Variants in OXR1 observed in about 807,000 individuals in gnomAD.
The protein encoded by OXR1 is oxidation resistance protein 1.
Under a neutral mutation model 104.6 loss-of-function variants are expected in OXR1, and 41 were observed. That is an observed-to-expected ratio of 0.39 (90% CI 0.31 to 0.51). The LOEUF (loss-of-function observed/expected upper bound fraction) is 0.51, where lower values mean the gene tolerates loss of function less well. Among genes scored for constraint, OXR1 ranks in the 20% least tolerant of loss-of-function variants. The probability of loss-of-function intolerance (pLI) is 0.77; values close to 1 mark genes in which losing one functional copy is unlikely to be tolerated. For missense variants in OXR1, 955 were observed against 1,031.9 expected (o/e 0.93, Z 1.02); for synonymous variants, 348 against 348.4 (o/e 1.00, Z 0.01).
At chr8:106,486,327 A>G (rs556939005) in intron 2 of OXR1, among the ~76,000 whole-genome samples, 1 of 152,194 alleles carries the variant, frequency 6.6e-6, no homozygotes, top group Non-Finnish European at 1.5e-5. Flanking sequence ...CATTTAGCTA[A>G]TTTCACAAGC....
At chr8:106,302,511 G>A (rs111354833) in intron 1 of OXR1, among the ~76,000 whole-genome samples, 32,943 of 150,626 alleles carry the variant, frequency 0.22, 5,348 homozygotes, top group African/African-American at 0.46. Context: ...GTGTGAACCC[G>A]GGAGGCGGAG....
At position 106,740,343 on chromosome 8, in the gene OXR1, C is replaced by A. The variant is rs372247285; in HGVS notation, c.2164C>A (p.Leu722Ile). Residue 722 changes from leucine to isoleucine, a missense_variant and splice_region_variant, in exon 14 of 17, where the codon CTT becomes ATT. Physicochemically the swap from Leu to Ile is conservative, Grantham distance 5. Around this residue, in one of 2 missense-constraint regions of OXR1, gnomAD observed 849 missense variants for 852.9 expected, o/e 1.00. Transcript: ENST00000517566. ...ELLLPDQIEK[L>I]TKHLPPRTIG... is the part of the protein sequence containing the mutation. ...AATACTAACACTTTGTTTTCTAAAG[C>A]TTACCAAGCATCTTCCACCAAGAAC... The A allele has an allele frequency of 6.2e-7, 1 of 1,608,588 alleles. No homozygotes were observed.
intron 1 of OXR1, among the ~76,000 whole-genome samples, chr8:106,331,541 A>G (rs1013594291): frequency 4.6e-5 from 7 of 152,182 alleles, no homozygotes; most frequent in African/African-American, 1.7e-4. Context: ...TGGCTTTGAA[A>G]TTATTTGTAT....
At chr8:106,623,607 G>A (rs1821905177) in intron 3 of OXR1, among the ~76,000 whole-genome samples, 1 of 152,144 alleles carries the variant, frequency 6.6e-6, no homozygotes. Flanking sequence ...AGAGTAAGTT[G>A]TGGGGCAGGT....
intron 3 of OXR1, among the ~76,000 whole-genome samples, chr8:106,615,758 C>T (rs1483952110): frequency 2.6e-5 from 4 of 152,182 alleles, no homozygotes; most frequent in Admixed American, 1.3e-4. Flanking sequence ...TTATGCTCAC[C>T]TTATAAAGCT....
At chr8:106,387,427 C>G (rs995916587) in intron 2 of OXR1, among the ~76,000 whole-genome samples, 8 of 152,152 alleles carry the variant, frequency 5.3e-5, no homozygotes, top group Non-Finnish European at 1.0e-4. Context: ...CCAGGTTGCA[C>G]TAGGAGAAAC....
intron 11 of OXR1, among the ~76,000 whole-genome samples, chr8:106,723,653 C>T (rs1383962302): frequency 6.6e-6 from 1 of 150,484 alleles, no homozygotes; most frequent in Non-Finnish European, 1.5e-5. Flanking sequence ...GCCTGGGCAA[C>T]AGAGCAATAC....
intron 2 of OXR1, among the ~76,000 whole-genome samples, chr8:106,407,335 C>A (rs1328449051): frequency 6.6e-6 from 1 of 152,106 alleles, no homozygotes; most frequent in African/African-American, 2.4e-5. Flanking sequence ...TGATTTTCCC[C>A]AGAGGGGCAT....
At chr8:106,521,466 G>C (rs938723957) in intron 3 of OXR1, among the ~76,000 whole-genome samples, 1 of 152,094 alleles carries the variant, frequency 6.6e-6, no homozygotes, top group Non-Finnish European at 1.5e-5. Context: ...TCAGAATCAG[G>C]CTTTCTCTGA....
At chr8:106,614,973 G>A (rs182733657) in intron 3 of OXR1, among the ~76,000 whole-genome samples, 1 of 152,286 alleles carries the variant, frequency 6.6e-6, no homozygotes, top group African/African-American at 2.4e-5. Flanking sequence ...TTTATGTTTT[G>A]TTTGGGGTGC....
Position 106,288,470 on chromosome 8 carries a change from G to A in OXR1, c.-139+18103G>A, listed in dbSNP as rs1323176344. Among the ~76,000 whole-genome samples the A allele has an allele frequency of 1.2e-4, 18 of 151,304 alleles. 1 individual carries two copies. The highest frequency in any genetic ancestry group is 1.1e-3 in the Admixed American group (16 of 15,134). On this transcript the variant is annotated intron_variant, in intron 1 of 16. Coordinates refer to ENST00000517566, the MANE Select transcript of OXR1 (RefSeq NM_001198533.2). ...AATGTGGTTCTGACCAGAATTGATC[G>A]GAATTGATTTAAGAACACCTCCCTT...
intron 15 of OXR1, among the ~76,000 whole-genome samples, chr8:106,744,482 T>C (rs1275773151): frequency 1.3e-5 from 2 of 152,226 alleles, no homozygotes; most frequent in Non-Finnish European, 2.9e-5. Flanking sequence ...ATCATTACTA[T>C]TCTGTTTACA....
At chr8:106,724,159 T>A (rs1006650160) in intron 11 of OXR1, among the ~76,000 whole-genome samples, 2 of 152,152 alleles carry the variant, frequency 1.3e-5, no homozygotes, top group Non-Finnish European at 2.9e-5. Context: ...GGAAGAGATA[T>A]AAGGTAATTT....
chr8:106,429,607 C>T (rs1272028800), intron 2 of OXR1, among the ~76,000 whole-genome samples: 2 of 150,778 alleles, frequency 1.3e-5, no homozygotes, highest in African/African-American at 4.9e-5. Context: ...TTGCAGTGAG[C>T]CGAGATCTCG....
At chr8:106,505,644 A>C (rs1812110746) in intron 2 of OXR1, among the ~76,000 whole-genome samples, 1 of 152,198 alleles carries the variant, frequency 6.6e-6, no homozygotes. Flanking sequence ...AGACTTAAAA[A>C]ATAAGAAGCA....
intron 3 of OXR1, among the ~76,000 whole-genome samples, chr8:106,664,253 G>A (rs1826055588): frequency 6.6e-6 from 1 of 152,202 alleles, no homozygotes; most frequent in African/African-American, 2.4e-5. Flanking sequence ...TCTAAAATAA[G>A]CTGATGATTC....
At chr8:106,528,292 TG>T (rs1217965224) in intron 3 of OXR1, among the ~76,000 whole-genome samples, 4 of 152,228 alleles carry the variant, frequency 2.6e-5, no homozygotes, top group African/African-American at 9.6e-5. Context: ...AATATTAAGT[TG>T]GGAAATGGTC....
intron 2 of OXR1, among the ~76,000 whole-genome samples, chr8:106,454,666 T>C (rs1369569347): frequency 6.6e-6 from 1 of 152,078 alleles, no homozygotes; most frequent in Non-Finnish European, 1.5e-5. Context: ...CGTCTCAGAA[T>C]TGATGATATT....
intron 3 of OXR1, among the ~76,000 whole-genome samples, chr8:106,637,686 G>T (rs370472401): frequency 1.3e-5 from 2 of 151,586 alleles, no homozygotes; most frequent in African/African-American, 4.9e-5. Context: ...ACAATTTATA[G>T]AGTTGTAAAT....
Sources: gnomAD v4.1 joint callset for allele counts (sites outside exome capture counted in the v4.1 genomes callset) on GRCh38, gnomAD v4.1.1 for gene constraint, gnomAD v4.1.1 regional missense constraint, MANE v1.5 for transcripts, NCBI Gene and HGNC (gene_info 2026-07-23, HGNC 2026-07-21) for gene names.